SLC2A13: variants seen among roughly 807,000 people sequenced by gnomAD.
The protein encoded by SLC2A13 is solute carrier family 2 member 13, also known as proton myo-inositol cotransporter.
Under a neutral mutation model 64.4 loss-of-function variants are expected in SLC2A13, and 32 were observed. The observed-to-expected ratio is 0.50, with a 90% CI of 0.37 to 0.67. The LOEUF (loss-of-function observed/expected upper bound fraction) is 0.67, where lower values mean the gene tolerates loss of function less well. Among genes scored for constraint, SLC2A13 ranks in the 30% least tolerant of loss-of-function variants. The probability of loss-of-function intolerance (pLI) is 0.00; values close to 1 mark genes in which losing one functional copy is unlikely to be tolerated. For synonymous variants in SLC2A13, 338 were observed against 327.1 expected (o/e 1.03, Z -0.36); for missense variants, 743 against 829.2 (o/e 0.90, Z 1.28).
intron 2 of SLC2A13, among the ~76,000 whole-genome samples, chr12:40,046,789 T>G (rs1447925326): frequency 6.6e-6 from 1 of 152,198 alleles, no homozygotes; most frequent in African/African-American, 2.4e-5. Context: ...GACTTTTAAT[T>G]AAAACTTCAC....
chr12:39,866,548 G>A (rs1233314637), intron 5 of SLC2A13, among the ~76,000 whole-genome samples: 1 of 151,894 alleles, frequency 6.6e-6, no homozygotes, highest in Non-Finnish European at 1.5e-5. Context: ...GCGCGATCTC[G>A]GCTCACTGCA....
intron 7 of SLC2A13, among the ~76,000 whole-genome samples, chr12:39,771,010 T>C (rs1319920556): frequency 1.3e-5 from 2 of 152,144 alleles, no homozygotes; most frequent in African/African-American, 2.4e-5. Context: ...CAAAAGGCTA[T>C]TTTGATGCTT....
At chr12:40,019,995 G>T (rs1422395909) in intron 3 of SLC2A13, among the ~76,000 whole-genome samples, 2 of 152,128 alleles carry the variant, frequency 1.3e-5, no homozygotes, top group Non-Finnish European at 2.9e-5. Flanking sequence ...CTAAAGCAAG[G>T]TATTCAGTAA....
chr12:39,862,299 T>G (rs1457137575), intron 6 of SLC2A13, among the ~76,000 whole-genome samples: 8 of 152,244 alleles, frequency 5.3e-5, no homozygotes, highest in Non-Finnish European at 1.2e-4. Flanking sequence ...GCAACCAATA[T>G]TTATTGAATT....
At chr12:39,830,018 A>G (rs1393920712) in intron 7 of SLC2A13, 85 bp downstream of exon 7, 4 of 1,549,146 alleles carry the variant, frequency 2.6e-6, no homozygotes, top group South Asian at 2.3e-5. Context: ...AAGAACTGCT[A>G]TAAGTGCAAG....
At chr12:40,011,663 C>T (rs1004352184) in intron 3 of SLC2A13, among the ~76,000 whole-genome samples, 1 of 152,132 alleles carries the variant, frequency 6.6e-6, no homozygotes, top group Admixed American at 6.5e-5. Context: ...CCGTCTCCTC[C>T]CTCTAGTAGT....
chr12:40,033,395 A>T (rs906449970), intron 2 of SLC2A13, among the ~76,000 whole-genome samples: 3 of 152,252 alleles, frequency 2.0e-5, no homozygotes, highest in African/African-American at 7.2e-5. Flanking sequence ...AGAAATAACA[A>T]AGCAAAAGCA....
chr12:39,944,061 C>T (rs1020141446), intron 4 of SLC2A13, among the ~76,000 whole-genome samples: 2 of 152,100 alleles, frequency 1.3e-5, no homozygotes, highest in African/African-American at 2.4e-5. Context: ...TCATTCAGTT[C>T]GAAGAATTTT....
intron 7 of SLC2A13, among the ~76,000 whole-genome samples, chr12:39,826,977 A>G (rs564037594): frequency 6.9e-6 from 1 of 145,706 alleles, no homozygotes; most frequent in South Asian, 2.3e-4. Flanking sequence ...GCAAAAGTTA[A>G]CTGTGGTTTT....
chr12:39,977,822 T>C (rs1946791779), intron 3 of SLC2A13, among the ~76,000 whole-genome samples: 1 of 152,246 alleles, frequency 6.6e-6, no homozygotes. Flanking sequence ...TTCCTATAAA[T>C]TAATGAGTTG....
At chr12:39,769,836 CCTT>C (rs1940498135) in intron 7 of SLC2A13, among the ~76,000 whole-genome samples, 1 of 152,066 alleles carries the variant, frequency 6.6e-6, no homozygotes, top group African/African-American at 2.4e-5. Context: ...ACTACACAAT[CCTT>C]CTTTCACAGC....
Position 40,091,548 on chromosome 12 carries a change from T to C in SLC2A13, c.556+13705A>G, listed in dbSNP as rs138746657. On this transcript the variant is annotated intron_variant, in intron 1 of 9. Transcript: ENST00000280871. ...CAAAGAATAATGGCATGTCATATAT[T>C]TGATGCATTAAATTCCCTTTCTTTT... 3.6e-3 allele frequency among the ~76,000 whole-genome samples: 549 copies of C among 152,330 alleles called. 2 individuals carry two copies. Among genetic ancestry groups the C allele is most frequent in the Non-Finnish European group, 7.0e-3 (478 of 68,020 alleles).
chr12:40,064,224 G>A (rs2136257557), intron 1 of SLC2A13, among the ~76,000 whole-genome samples: 1 of 152,138 alleles, frequency 6.6e-6, no homozygotes, highest in African/African-American at 2.4e-5. Flanking sequence ...CAGCCTGGGT[G>A]ACAAAGAGAG....
chr12:39,974,239 A>T (rs1946723604), intron 3 of SLC2A13, among the ~76,000 whole-genome samples: 1 of 152,248 alleles, frequency 6.6e-6, no homozygotes, highest in African/African-American at 2.4e-5. Flanking sequence ...CTACAGCTAG[A>T]ACTTAGTCAA....
intron 4 of SLC2A13, among the ~76,000 whole-genome samples, chr12:39,878,289 T>C (rs1024031207): frequency 4.6e-5 from 7 of 152,152 alleles, no homozygotes; most frequent in African/African-American, 1.7e-4. Flanking sequence ...CACTGTGTAA[T>C]GGGCAGAGGT....
At chr12:39,978,879 C>A (rs1946824530) in intron 3 of SLC2A13, among the ~76,000 whole-genome samples, 1 of 150,854 alleles carries the variant, frequency 6.6e-6, no homozygotes, top group South Asian at 2.1e-4. Flanking sequence ...AGGGCACAGA[C>A]AAACAAAAAG....
chr12:39,797,926 T>C (rs1269742306), intron 7 of SLC2A13, among the ~76,000 whole-genome samples: 8 of 152,208 alleles, frequency 5.3e-5, no homozygotes, highest in Non-Finnish European at 1.2e-4. Context: ...CCCCCAGTGA[T>C]CTTACTTCCT....
intron 1 of SLC2A13, among the ~76,000 whole-genome samples, chr12:40,074,782 T>A (rs1938103466): frequency 6.6e-6 from 1 of 152,152 alleles, no homozygotes; most frequent in African/African-American, 2.4e-5. Flanking sequence ...AAATACATTG[T>A]CAGTAATAAA....
chr12:39,835,025 C>T lies in SLC2A13; in HGVS notation c.1320-4797G>A, dbSNP rs138209222. 2.1e-3 allele frequency among the ~76,000 whole-genome samples: 313 copies of T among 152,152 alleles called. 5 individuals carry two copies. Among genetic ancestry groups the T allele is most frequent in the Admixed American group, 0.018 (271 of 15,244 alleles). ...CTCTTTAAGCCTTTCTTGAACGTGG[C>T]CTGATGAATTTCGGTAAGGTTTTCT... is the stretch of plus-strand genomic sequence containing the variant. On this transcript the variant is annotated intron_variant, in intron 6 of 9. Coordinates refer to ENST00000280871, the MANE Select transcript of SLC2A13 (RefSeq NM_052885.4).
Sources: allele counts gnomAD v4.1 joint callset (sites outside exome capture counted in the v4.1 genomes callset), GRCh38; gene constraint gnomAD v4.1.1; transcripts MANE v1.5; gene names NCBI Gene and HGNC (gene_info 2026-07-23, HGNC 2026-07-21).